Variants in FBXW7 observed in about 807,000 individuals in gnomAD.
FBXW7 encodes F-box and WD repeat domain containing 7, also known as F-box/WD repeat-containing protein 7.
A neutral mutation model predicts 86.3 loss-of-function variants in FBXW7; 11 were observed. That is an observed-to-expected ratio of 0.13 (90% CI 0.08 to 0.21). The LOEUF (loss-of-function observed/expected upper bound fraction) is 0.21. FBXW7 is among the 10% of genes least tolerant of loss of function. The pLI is 1.00. For synonymous variants in FBXW7, 313 were observed against 297.9 expected, an observed-to-expected ratio of 1.05 and a Z score of -0.52; for missense variants, 488 against 847.4, an observed-to-expected ratio of 0.58 and a Z score of 5.27.
intron 4 of FBXW7, among the ~76,000 whole-genome samples, chr4:152,368,684 C>T (rs1257019634): frequency 6.6e-6 from 1 of 151,934 alleles, no homozygotes; most frequent in East Asian, 1.9e-4. Context: ...GGTGTCAGAA[C>T]TTAAAATTAT....
At chr4:152,457,570 G>C (rs189326105) in intron 2 of FBXW7, among the ~76,000 whole-genome samples, 2,061 of 150,906 alleles carry the variant, frequency 0.014, 23 homozygotes, top group Middle Eastern at 0.038. Flanking sequence ...CGTGAACCCA[G>C]GAGGCGGAGC....
intron 4 of FBXW7, among the ~76,000 whole-genome samples, chr4:152,364,480 A>C (rs184016491): frequency 6.6e-5 from 10 of 152,330 alleles, no homozygotes; most frequent in Admixed American, 2.0e-4. Context: ...TTATGAAAGA[A>C]ACTGCTTCAA....
At chr4:152,512,360 T>C (rs191829621) in intron 2 of FBXW7, among the ~76,000 whole-genome samples, 285 of 152,298 alleles carry the variant, frequency 1.9e-3, no homozygotes, top group Non-Finnish European at 3.4e-3. Context: ...TAAGACTGAA[T>C]GCAAACTAAA....
chr4:152,507,427 A>G (rs1300653233), intron 2 of FBXW7, among the ~76,000 whole-genome samples: 1 of 152,252 alleles, frequency 6.6e-6, no homozygotes, highest in Non-Finnish European at 1.5e-5. Flanking sequence ...ATGAAATAAC[A>G]TATTTGACAC....
rs79578032 is a variant in FBXW7, at chr4:152,401,814, C to T, written c.501+9489G>A. 4.7e-3 allele frequency among the ~76,000 whole-genome samples: 713 copies of T among 152,250 alleles called. 20 individuals carry two copies. In the East Asian group the frequency reaches 0.056, roughly 12 times the overall value. On this transcript the variant is annotated intron_variant, in intron 4 of 13. Transcript: ENST00000281708. ...TCTCTAGGCCTCTCATTCAACTTTG[C>T]TGTGAATCTAAAACTAATCTAAAAA...
rs941465194 is a variant in FBXW7, at chr4:152,323,427, G to A, written c.1856-278C>T. 1.0e-4 allele frequency: 48 copies of A among 460,456 alleles called. No homozygotes were observed. The South Asian group carries it at 1.1e-3, about 10-fold the overall frequency. The allele number at this position is 460,456 out of a possible 1,614,324, so 28.5% of individuals were successfully genotyped here. A position where few individuals can be genotyped will look rare whatever the true frequency, so the allele number is the denominator to read the frequency against. Reference sequence around the variant, plus strand: ...CATCTTATTTTCTGGCTGTGTGAACGACAGCATTCCTTGGTGAGGATGTAG... The same window carrying A: ...CATCTTATTTTCTGGCTGTGTGAACAACAGCATTCCTTGGTGAGGATGTAG... On this transcript the variant is annotated intron_variant, in intron 13 of 13. Transcript: ENST00000281708.
chr4:152,495,168 C>CA (rs1377081143), intron 2 of FBXW7, among the ~76,000 whole-genome samples: 1 of 152,084 alleles, frequency 6.6e-6, no homozygotes, highest in African/African-American at 2.4e-5. Context: ...TGTGGTGACT[C>CA]ACGTCTGTAA....
intron 2 of FBXW7, among the ~76,000 whole-genome samples, chr4:152,435,595 C>T (rs1160802469): frequency 2.0e-5 from 3 of 152,190 alleles, no homozygotes; most frequent in African/African-American, 4.8e-5. Flanking sequence ...ACTACATTAG[C>T]TTGATTAGCA....
At chr4:152,368,013 G>A (rs1270811798) in intron 4 of FBXW7, among the ~76,000 whole-genome samples, 1 of 151,902 alleles carries the variant, frequency 6.6e-6, no homozygotes, top group South Asian at 2.1e-4. Context: ...TTCTAAAAAG[G>A]TCTACGAAAA....
At chr4:152,499,313 T>C (rs945548145) in intron 2 of FBXW7, among the ~76,000 whole-genome samples, 1 of 152,168 alleles carries the variant, frequency 6.6e-6, no homozygotes, top group Admixed American at 6.5e-5. Flanking sequence ...CACAGATGCA[T>C]CTGATCAATA....
chr4:152,355,059 T>C (rs777680945), intron 4 of FBXW7, among the ~76,000 whole-genome samples: 79 of 152,120 alleles, frequency 5.2e-4, no homozygotes, highest in Non-Finnish European at 9.0e-4. Flanking sequence ...CAAGCAAAAC[T>C]AGTCAACTAA....
At chr4:152,417,563 TTGACTCTAAGAAGCA>T (rs1738553712) in intron 2 of FBXW7, among the ~76,000 whole-genome samples, 1 of 151,938 alleles carries the variant, frequency 6.6e-6, no homozygotes, top group Non-Finnish European at 1.5e-5. Flanking sequence ...GTGGCAAAGC[TTGACTCTAAGAAGCA>T]TGAGGAATAA....
chr4:152,453,842 A>G (rs2149614747), intron 2 of FBXW7, among the ~76,000 whole-genome samples: 1 of 152,352 alleles, frequency 6.6e-6, no homozygotes, highest in Non-Finnish European at 1.5e-5. Context: ...AAATTTTTCA[A>G]AACGTGGAGA....
At chr4:152,434,993 G>GT (rs1740255465) in intron 2 of FBXW7, among the ~76,000 whole-genome samples, 2 of 125,930 alleles carry the variant, frequency 1.6e-5, no homozygotes, top group Non-Finnish European at 3.2e-5. Context: ...TCCTTTACAT[G>GT]TTTAATATTC....
At chr4:152,522,689 T>C (rs1749134619) in intron 2 of FBXW7, among the ~76,000 whole-genome samples, 1 of 152,204 alleles carries the variant, frequency 6.6e-6, no homozygotes, top group African/African-American at 2.4e-5. Context: ...TAGTGCCAAA[T>C]GTCCCCTGGG....
intron 4 of FBXW7, among the ~76,000 whole-genome samples, chr4:152,390,003 C>T (rs562072624): frequency 4.5e-4 from 68 of 151,998 alleles, no homozygotes; most frequent in African/African-American, 1.6e-3. Flanking sequence ...AAAGAAGCTA[C>T]AGGCATAATG....
At chr4:152,523,627 A>G (rs900868744) in intron 2 of FBXW7, among the ~76,000 whole-genome samples, 1 of 152,186 alleles carries the variant, frequency 6.6e-6, no homozygotes, top group Admixed American at 6.5e-5. Flanking sequence ...TAAAATTAGG[A>G]TCAAGCTGAA....
chr4:152,472,973 A>C (rs921396335), intron 2 of FBXW7, among the ~76,000 whole-genome samples: 1 of 152,226 alleles, frequency 6.6e-6, no homozygotes, highest in Non-Finnish European at 1.5e-5. Context: ...TATAAATTTT[A>C]CCAGCAAGGG....
intron 2 of FBXW7, among the ~76,000 whole-genome samples, chr4:152,478,166 T>C (rs906397856): frequency 2.0e-5 from 3 of 152,094 alleles, no homozygotes; most frequent in African/African-American, 7.2e-5. Context: ...TTATCACCAC[T>C]ATTCATTTCC....
Sources: gnomAD v4.1 joint callset for allele counts (sites outside exome capture counted in the v4.1 genomes callset) on GRCh38, gnomAD v4.1.1 for gene constraint, MANE v1.5 for transcripts, NCBI Gene and HGNC (gene_info 2026-07-23, HGNC 2026-07-21) for gene names.